The following CYP2R1 variants were observed in gnomAD, a reference collection of about 807,000 sequenced individuals.
CYP2R1 encodes cytochrome P450 family 2 subfamily R member 1.
CYP2R1 carries 40 observed loss-of-function variants against 45.7 expected under a neutral mutation model. That is an observed-to-expected ratio of 0.87 (90% CI 0.68 to 1.14). The LOEUF (loss-of-function observed/expected upper bound fraction) is 1.14. CYP2R1 is among the 50% of genes most tolerant of loss of function. The pLI, the probability that CYP2R1 is intolerant of heterozygous loss-of-function variation, is 0.00. For missense variants in CYP2R1, 605 were observed against 602.6 expected, an observed-to-expected ratio of 1.00 and a Z score of -0.04; for synonymous variants, 234 against 219.3, an observed-to-expected ratio of 1.07 and a Z score of -0.59.
chr11:14,886,116 A>G (rs1848611721), intron 1 of CYP2R1, 199 bp from the exon 2 acceptor site: 1 of 593,320 alleles, frequency 1.7e-6, no homozygotes, highest in African/African-American at 1.9e-5. Flanking sequence ...TCATTATGCC[A>G]TTCAGTGCCT....
At chr11:14,890,971 A>T (rs1848828846) in intron 1 of CYP2R1, 1 of 985,272 alleles carries the variant, frequency 1.0e-6, no homozygotes, top group Admixed American at 6.1e-5. Flanking sequence ...GTGGCCGATA[A>T]TGAGATTAGT....
chr11:14,889,666 G>A (rs1420811803), intron 1 of CYP2R1, among the ~76,000 whole-genome samples: 3 of 152,166 alleles, frequency 2.0e-5, no homozygotes, highest in African/African-American at 7.2e-5. Context: ...AGGGGACTTA[G>A]AAAACCCCCT....
chr11:14,885,762 G>A lies in CYP2R1; in HGVS notation c.367+14C>T, dbSNP rs782068748. On this transcript the variant is annotated intron_variant, in intron 2 of 4. Coordinates refer to ENST00000334636, the MANE Select transcript of CYP2R1 (RefSeq NM_024514.5). ...TATCTTAGTAAATCACTAAATAGGT[G>A]CAAATAAACATACCTCCCATTTTTG... The A allele has an allele frequency of 5.9e-5, 95 of 1,610,844 alleles. No individual in the cohort carries two copies. The highest frequency in any genetic ancestry group is 7.9e-5 in the Non-Finnish European group (93 of 1,178,930).
chr11:14,886,834 G>C (rs1466017046), intron 1 of CYP2R1: 1 of 152,286 alleles, frequency 6.6e-6, no homozygotes, highest in Non-Finnish European at 1.5e-5. Context: ...AAGAAAACAG[G>C]AGGCTTAGCA....
chr11:14,885,845 C>T lies in CYP2R1; in HGVS notation c.298G>A (p.Val100Ile). 1 of 1,613,526 alleles carries T rather than the reference C, an allele frequency of 6.2e-7. No homozygotes were observed. The highest frequency in any genetic ancestry group is 1.7e-5 in the Admixed American group (1 of 59,982). Reference sequence around the variant, plus strand: ...TCTGCAAAAATTTCGCTTTGATGAACAAGGCATTCCTTTACTACATCATAG... The same window carrying T: ...TCTGCAAAAATTTCGCTTTGATGAATAAGGCATTCCTTTACTACATCATAG... ...NGYDVVKECL[V>I]HQSEIFADRP... is the part of the protein sequence containing the mutation. Residue 100 changes from valine (V) to isoleucine (I), a missense_variant, in exon 2 of 5, where the codon GTT (valine) becomes ATT (isoleucine). Transcript: ENST00000334636.
intron 2 of CYP2R1, among the ~76,000 whole-genome samples, chr11:14,883,108 C>G (rs1213823042): frequency 6.6e-6 from 1 of 152,078 alleles, no homozygotes; most frequent in Admixed American, 6.6e-5. Context: ...GCCATACTGC[C>G]CAAGGTAATT....
At chr11:14,881,329 T>C (rs1252069560) in intron 2 of CYP2R1, among the ~76,000 whole-genome samples, 1 of 152,104 alleles carries the variant, frequency 6.6e-6, no homozygotes, top group African/African-American at 2.4e-5. Context: ...AGGGCAAACA[T>C]GAAGCTCAAA....
chr11:14,880,838 T>C (rs1555012070), intron 2 of CYP2R1, 70 bp from the exon 3 acceptor site: 51 of 1,440,034 alleles, frequency 3.5e-5, no homozygotes, highest in Non-Finnish European at 4.6e-5. Flanking sequence ...GGGAACAAAA[T>C]TTTTTTAATG....
At chr11:14,889,986 G>C (rs149476087) in intron 1 of CYP2R1, among the ~76,000 whole-genome samples, 1 of 151,922 alleles carries the variant, frequency 6.6e-6, no homozygotes. Flanking sequence ...AAAATTAGCC[G>C]GGCGTGGTGG....
chr11:14,881,789 G>A (rs1197981157), intron 2 of CYP2R1, among the ~76,000 whole-genome samples: 13 of 152,072 alleles, frequency 8.5e-5, no homozygotes, highest in Non-Finnish European at 4.4e-5. Context: ...AGAAGCAGAT[G>A]GCCTCAACAG....
chr11:14,885,908 A>T lies in CYP2R1; in HGVS notation c.235T>A (p.Leu79Ile), dbSNP rs782776278. Residue 79 changes from leucine to isoleucine, a missense_variant, in exon 2 of 5, where the codon TTA becomes ATA. Physicochemically the swap from Leu to Ile is conservative, Grantham distance 5. Coordinates refer to ENST00000334636, the MANE Select transcript of CYP2R1 (RefSeq NM_024514.5). ...ACAGTTGATATGCCTCCAAGATCTA[A>T]ACTGAAGATCTTTGAGAAGAGAAGA... Reference protein sequence around the residue: ...QSQVYGEIFSLDLGGISTVVL... With the variant: ...QSQVYGEIFSIDLGGISTVVL... 1.0e-4 allele frequency: 167 copies of T among 1,613,236 alleles called. No homozygotes were observed. The highest frequency in any genetic ancestry group is 1.3e-4 in the Non-Finnish European group (156 of 1,179,492).
chr11:14,892,165 A>AGCGCCGCCGC lies in CYP2R1; in HGVS notation c.31_40dup (p.Leu14ArgfsTer83), dbSNP rs1380473030. On this transcript the variant is annotated frameshift_variant, in exon 1 of 5. Transcript: ENST00000334636. LOFTEE classifies it high-confidence loss of function. ...GAGCAGCAGGAAGAGCGCGCCGCCG[A>AGCGCCGCCGC]GCGCCGCCGCGCCCTCTTCAGCTCT... 13 of 1,610,546 alleles carry AGCGCCGCCGC rather than the reference A, an allele frequency of 8.1e-6. No homozygotes were observed. The African/African-American group carries it at 1.7e-4, about 22-fold the overall frequency.
chr11:14,882,685 C>T (rs1848436488), intron 2 of CYP2R1, among the ~76,000 whole-genome samples: 1 of 152,052 alleles, frequency 6.6e-6, no homozygotes, highest in Non-Finnish European at 1.5e-5. Flanking sequence ...CTGGCCAGGG[C>T]AATTAGGCAG....
chr11:14,882,108 A>T (rs1848410472), intron 2 of CYP2R1, among the ~76,000 whole-genome samples: 1 of 152,110 alleles, frequency 6.6e-6, no homozygotes, highest in Admixed American at 6.6e-5. Context: ...ATACTCCCAG[A>T]TGACTATTCA....
At position 14,879,222 on chromosome 11, in the gene CYP2R1, G is replaced by A; in HGVS notation, c.1222C>T (p.His408Tyr). Residue 408 changes from histidine to tyrosine, a missense_variant, in exon 4 of 5, where the codon CAC becomes TAC. By Grantham distance (83) the His-to-Tyr change is moderately conservative. Transcript: ENST00000334636. ...TTVITNLYSV[H>Y]FDEKYWRDPE... ...TCTCTCCAGTACTTTTCATCAAAGTGTACAGAATAAAGATTTGTAATTACT... is the reference window on the plus strand; with the variant it reads ...TCTCTCCAGTACTTTTCATCAAAGTATACAGAATAAAGATTTGTAATTACT... The A allele has an allele frequency of 2.5e-6, 4 of 1,613,272 alleles. No individual in the cohort carries two copies. The highest frequency in any genetic ancestry group is 2.5e-6 in the Non-Finnish European group (3 of 1,179,508).
chr11:14,880,935 A>G (rs550352732), intron 2 of CYP2R1, among the ~76,000 whole-genome samples, 167 bp from the exon 3 acceptor site: 2 of 152,216 alleles, frequency 1.3e-5, no homozygotes, highest in South Asian at 4.1e-4. Flanking sequence ...CCAGAGTATT[A>G]TAACAGATAA....
At chr11:14,878,525 T>C (rs1848245317) in intron 4 of CYP2R1, among the ~76,000 whole-genome samples, 2 of 152,272 alleles carry the variant, frequency 1.3e-5, no homozygotes, top group South Asian at 4.1e-4. Flanking sequence ...TGTAAGACTT[T>C]AGTTCCATCT....
chr11:14,884,782 A>T (rs1848546905), intron 2 of CYP2R1, among the ~76,000 whole-genome samples: 3 of 152,142 alleles, frequency 2.0e-5, no homozygotes, highest in Non-Finnish European at 4.4e-5. Flanking sequence ...TGATAAAAAC[A>T]GTCTAAACAA....
chr11:14,883,020 A>C (rs1848453210), intron 2 of CYP2R1, among the ~76,000 whole-genome samples: 3 of 152,224 alleles, frequency 2.0e-5, no homozygotes, highest in Non-Finnish European at 2.9e-5. Flanking sequence ...ACCACTGCTC[A>C]ATGAAATAAA....
Sources: allele counts gnomAD v4.1 joint callset (sites outside exome capture counted in the v4.1 genomes callset), GRCh38; gene constraint gnomAD v4.1.1; transcripts MANE v1.5; gene names NCBI Gene and HGNC (gene_info 2026-07-23, HGNC 2026-07-21).